Variants in WDPCP observed in about 807,000 individuals in gnomAD.
WDPCP encodes WD repeat-containing and planar cell polarity effector protein fritz homolog.
A neutral mutation model predicts 93.1 loss-of-function variants in WDPCP; 71 were observed. That is an observed-to-expected ratio of 0.76 (90% CI 0.63 to 0.93). The LOEUF (loss-of-function observed/expected upper bound fraction) is 0.93. Ranked by LOEUF, WDPCP falls within the 40% of genes least tolerant of loss-of-function variation. The probability of loss-of-function intolerance (pLI) is 0.00; values close to 1 mark genes in which losing one functional copy is unlikely to be tolerated. For missense variants in WDPCP, 844 were observed against 887.4 expected (o/e 0.95, Z 0.62); for synonymous variants, 315 against 315.0 (o/e 1.00, Z 0.00).
At chr2:63,705,734 G>T (rs1575752734) in intron 2 of WDPCP, among the ~76,000 whole-genome samples, 1 of 146,132 alleles carries the variant, frequency 6.8e-6, no homozygotes, top group Non-Finnish European at 1.5e-5. Flanking sequence ...GTCAATTTTG[G>T]AATAAGTGTG....
At chr2:63,180,587 G>A (rs1296669707) in intron 14 of WDPCP, among the ~76,000 whole-genome samples, 1 of 152,058 alleles carries the variant, frequency 6.6e-6, no homozygotes, top group Non-Finnish European at 1.5e-5. Context: ...GTCCTTCACT[G>A]ATGTAAACGT....
At chr2:63,327,270 C>T (rs1040192894) in intron 12 of WDPCP, among the ~76,000 whole-genome samples, 3 of 152,180 alleles carry the variant, frequency 2.0e-5, no homozygotes, top group Non-Finnish European at 2.9e-5. Flanking sequence ...TCTTAAAGTA[C>T]TTACAGAATC....
intron 13 of WDPCP, among the ~76,000 whole-genome samples, chr2:63,285,358 C>G (rs765640709): frequency 6.7e-6 from 1 of 148,202 alleles, no homozygotes; most frequent in East Asian, 2.0e-4. Context: ...GGTGTGAACT[C>G]GGGAGGTGGA....
intron 14 of WDPCP, among the ~76,000 whole-genome samples, chr2:63,221,586 G>A (rs935123382): frequency 3.3e-5 from 5 of 152,158 alleles, no homozygotes; most frequent in African/African-American, 9.6e-5. Flanking sequence ...CTTCTTGGAC[G>A]TTGTGGGTCT....
At chr2:63,253,811 T>C (rs1280784820) in intron 14 of WDPCP, among the ~76,000 whole-genome samples, 1 of 152,202 alleles carries the variant, frequency 6.6e-6, no homozygotes, top group East Asian at 1.9e-4. Context: ...ATTCAGCCAC[T>C]GTGGAAAACA....
intron 9 of WDPCP, among the ~76,000 whole-genome samples, chr2:63,407,709 CTT>C (rs1694696004): frequency 6.6e-6 from 1 of 152,156 alleles, no homozygotes; most frequent in Non-Finnish European, 1.5e-5. Flanking sequence ...AATAATCTGT[CTT>C]ATATATTTTA....
chr2:63,752,018 A>C (rs1669890168), intron 2 of WDPCP: 1 of 626,064 alleles, frequency 1.6e-6, no homozygotes, highest in African/African-American at 1.8e-5. Context: ...CAACCTCCAC[A>C]ACCAACACCA....
chr2:63,793,116 AT>A (rs887223321), intron 2 of WDPCP, among the ~76,000 whole-genome samples: 75 of 146,862 alleles, frequency 5.1e-4, no homozygotes, highest in East Asian at 7.9e-4. Flanking sequence ...GAGCTTCTTG[AT>A]TTTTTTTTTT....
At chr2:63,383,288 A>C (rs1692466915) in intron 10 of WDPCP, among the ~76,000 whole-genome samples, 1 of 152,164 alleles carries the variant, frequency 6.6e-6, no homozygotes, top group African/African-American at 2.4e-5. Context: ...TTAATCTAGA[A>C]TTCTATACCT....
At chr2:63,138,069 ATT>A (rs34667163) in intron 17 of WDPCP, among the ~76,000 whole-genome samples, 16,639 of 116,958 alleles carry the variant, frequency 0.14, 1,003 homozygotes, top group Middle Eastern at 0.23. Context: ...GTTCCATATG[ATT>A]TTTTTTTTTT....
chr2:63,484,509 T>C (rs1157837402), intron 6 of WDPCP, 95 bp downstream of exon 6: 5 of 1,455,968 alleles, frequency 3.4e-6, no homozygotes, highest in African/African-American at 1.4e-5. Context: ...AAAAAAGTTT[T>C]TGTCCATTAC....
intron 2 of WDPCP, among the ~76,000 whole-genome samples, chr2:63,773,566 G>T (rs2103952740): frequency 6.6e-6 from 1 of 152,072 alleles, no homozygotes; most frequent in East Asian, 1.9e-4. Flanking sequence ...GAGTACTTAA[G>T]AATTTTGTAC....
intron 2 of WDPCP, among the ~76,000 whole-genome samples, chr2:63,707,774 T>A (rs1200734228): frequency 1.3e-5 from 2 of 152,236 alleles, no homozygotes; most frequent in Non-Finnish European, 2.9e-5. Flanking sequence ...ACCTTTGGTC[T>A]TTGATGATGG....
At chr2:63,508,629 GCA>G (rs1702035614) in intron 1 of WDPCP, among the ~76,000 whole-genome samples, 1 of 151,972 alleles carries the variant, frequency 6.6e-6, no homozygotes, top group Admixed American at 6.6e-5. Flanking sequence ...CAATTAAAGG[GCA>G]CAGACTGGCA....
At chr2:63,204,531 G>T (rs574800615) in intron 14 of WDPCP, among the ~76,000 whole-genome samples, 1 of 151,498 alleles carries the variant, frequency 6.6e-6, no homozygotes. Flanking sequence ...TAGTTGAGTC[G>T]GGGTTTCACC....
intron 6 of WDPCP, among the ~76,000 whole-genome samples, chr2:63,455,427 T>TACAC (rs1483697864): frequency 1.3e-5 from 2 of 148,978 alleles, no homozygotes; most frequent in Admixed American, 6.7e-5. Context: ...TATATATATA[T>TACAC]ATATATATAT....
At chr2:63,532,606 A>C (rs1703942631) in intron 1 of WDPCP, among the ~76,000 whole-genome samples, 1 of 152,206 alleles carries the variant, frequency 6.6e-6, no homozygotes, top group Non-Finnish European at 1.5e-5. Context: ...ATCCAGCCAA[A>C]CTAAGCTTCA....
chr2:63,712,083 G>C (rs150955198), intron 2 of WDPCP, among the ~76,000 whole-genome samples: 1 of 152,224 alleles, frequency 6.6e-6, no homozygotes, highest in East Asian at 1.9e-4. Context: ...CTATTTTGGC[G>C]TAATGGGACT....
intron 14 of WDPCP, among the ~76,000 whole-genome samples, chr2:63,238,901 A>C (rs751813922): frequency 8.5e-5 from 13 of 152,174 alleles, no homozygotes; most frequent in South Asian, 2.1e-4. Flanking sequence ...AACCCAAACC[A>C]AAAAACAACC....
Sources: gnomAD v4.1 joint callset for allele counts (sites outside exome capture counted in the v4.1 genomes callset) on GRCh38, gnomAD v4.1.1 for gene constraint, MANE v1.5 for transcripts, NCBI Gene and HGNC (gene_info 2026-07-23, HGNC 2026-07-21) for gene names.